The following ZMYM1 variants were observed in gnomAD, a reference collection of about 807,000 sequenced individuals.
ZMYM1 encodes the protein zinc finger MYM-type containing 1, also known as zinc finger MYM-type protein 1.
In ZMYM1, 39 loss-of-function variants were observed where a neutral mutation model predicts 60.0. The ratio of observed to expected loss-of-function variants is 0.65; its 90% CI spans 0.50 to 0.85. ZMYM1 has a LOEUF of 0.85. ZMYM1 is among the 40% of genes least tolerant of loss of function. The probability of loss-of-function intolerance (pLI) is 0.00; values close to 1 mark genes in which losing one functional copy is unlikely to be tolerated. For missense variants in ZMYM1, 1,171 were observed against 1,309.5 expected (o/e 0.89, Z 1.63); for synonymous variants, 413 against 454.0 (o/e 0.91, Z 1.15).
intron 1 of ZMYM1, among the ~76,000 whole-genome samples, chr1:35,061,117 C>A (rs1292690298): frequency 3.3e-5 from 5 of 152,204 alleles, no homozygotes; most frequent in African/African-American, 7.2e-5. Flanking sequence ...ACCTTGGATT[C>A]TATGGTCACA....
At chr1:35,108,121 TAAATA>T (rs1643955272) in intron 6 of ZMYM1, among the ~76,000 whole-genome samples, 1 of 151,882 alleles carries the variant, frequency 6.6e-6, no homozygotes. Context: ...CAAAAATAAA[TAAATA>T]AATAAAAATA....
rs774914200 is a variant in ZMYM1, at chr1:35,110,315, T to C, written c.829T>C (p.Ser277Pro). ...ACAGAAACCTGCCAAACCACTTATA[T>C]CTGTTCCTTGCAAACCATTGAAGCC... is the stretch of plus-strand genomic sequence containing the variant. ...YKQKPAKPLI[S>P]VPCKPLKPSD... The change falls in exon 7 of 10, where the codon TCT (serine) becomes CCT (proline). Residue 277 changes from serine to proline, a missense_variant. Transcript: ENST00000359858. The C allele has an allele frequency of 1.9e-6, 3 of 1,558,482 alleles. No individual in the cohort carries two copies. Among genetic ancestry groups the C allele is most frequent in the Non-Finnish European group, 2.6e-6 (3 of 1,157,682 alleles).
upstream of ZMYM1, among the ~76,000 whole-genome samples, chr1:35,078,694 GC>G (rs1196643952): frequency 1.3e-5 from 2 of 151,572 alleles, no homozygotes; most frequent in Non-Finnish European, 2.9e-5. Context: ...GATTACAGGC[GC>G]CCGCCTCCAT....
At position 35,114,408 on chromosome 1, in the gene ZMYM1, TTTTG is replaced by T; in HGVS notation, c.2583_2586del (p.Cys861Ter). 2.5e-6 allele frequency: 4 copies of T among 1,613,226 alleles called. No individual in the cohort carries two copies. Among genetic ancestry groups the T allele is most frequent in the Non-Finnish European group, 3.4e-6 (4 of 1,179,442 alleles). ...ATTGGTTTCCAAATTTGAATTTGTC[TTTTG>T]TTTGAAATTCCTGTATCGAGTGCTG... On this transcript the variant is annotated frameshift_variant, in exon 10 of 10. Transcript: ENST00000359858. LOFTEE classifies it high-confidence loss of function.
chr1:35,082,944 G>A (rs1014725894), intron 1 of ZMYM1, among the ~76,000 whole-genome samples: 1 of 152,022 alleles, frequency 6.6e-6, no homozygotes, highest in African/African-American at 2.4e-5. Context: ...TTGTGCCATT[G>A]CACTCCAGCC....
chr1:35,062,450 A>G (rs768936641), intron 1 of ZMYM1, among the ~76,000 whole-genome samples: 18 of 152,186 alleles, frequency 1.2e-4, no homozygotes, highest in African/African-American at 4.3e-4. Flanking sequence ...TGCCATTTCT[A>G]TTGACTCTTA....
intron 4 of ZMYM1, among the ~76,000 whole-genome samples, chr1:35,098,274 G>A (rs1344032740): frequency 1.3e-5 from 2 of 152,010 alleles, no homozygotes; most frequent in African/African-American, 4.8e-5. Context: ...AAAAATTGAT[G>A]GCCATAGATA....
rs770236984 is a variant in ZMYM1 at position 35,113,169 on chromosome 1, C to G, written c.1339C>G (p.Gln447Glu). ...LCHPKCTSKV[Q>E]KVKGKSRSIK... is the part of the protein sequence containing the mutation. ...TCACCCAAAATGTACATCCAAAGTACAAAAAGTTAAAGGTAAATCACGAAG... is the reference window on the plus strand; with the variant it reads ...TCACCCAAAATGTACATCCAAAGTAGAAAAAGTTAAAGGTAAATCACGAAG... Residue 447 changes from glutamine (Q) to glutamate (E), a missense_variant, in exon 10 of 10, where the codon CAA (glutamine) becomes GAA (glutamate). Coordinates refer to ENST00000359858, the MANE Select transcript of ZMYM1 (RefSeq NM_024772.5). 14 of 1,613,352 alleles carry G rather than the reference C, an allele frequency of 8.7e-6. No homozygotes were observed. Among genetic ancestry groups the G allele is most frequent in the Non-Finnish European group, 1.2e-5 (14 of 1,179,762 alleles).
At chr1:35,096,047 G>T (rs1358787838) in intron 3 of ZMYM1, among the ~76,000 whole-genome samples, 156 bp downstream of exon 3, 1 of 152,142 alleles carries the variant, frequency 6.6e-6, no homozygotes, top group Non-Finnish European at 1.5e-5. Flanking sequence ...GTGCACAGTG[G>T]CTCACACCTG....
intron 1 of ZMYM1, among the ~76,000 whole-genome samples, chr1:35,073,970 T>G (rs1256684786): frequency 6.6e-6 from 1 of 152,142 alleles, no homozygotes; most frequent in African/African-American, 2.4e-5. Context: ...GTATTTTTAG[T>G]AGAGATGAGC....
chr1:35,087,212 G>A (rs188552784), intron 1 of ZMYM1, among the ~76,000 whole-genome samples: 37 of 150,162 alleles, frequency 2.5e-4, no homozygotes, highest in Non-Finnish European at 2.7e-4. Flanking sequence ...GGCTAGTCTC[G>A]AACTCCTGAC....
At chr1:35,116,866 C>T (rs558799107), downstream of ZMYM1, among the ~76,000 whole-genome samples, 173 of 53,674 alleles carry the variant, frequency 3.2e-3, no homozygotes, top group African/African-American at 9.4e-3. Context: ...TTTTTTGAGA[C>T]GGAGTCTCGC....
intron 1 of ZMYM1, among the ~76,000 whole-genome samples, chr1:35,070,119 T>C (rs1642041373): frequency 6.6e-6 from 1 of 152,244 alleles, no homozygotes; most frequent in African/African-American, 2.4e-5. Flanking sequence ...TATATTTCTG[T>C]GAATAATGTC....
intron 1 of ZMYM1, among the ~76,000 whole-genome samples, chr1:35,091,815 G>A (rs1476399923): frequency 7.1e-5 from 10 of 140,680 alleles, no homozygotes; most frequent in African/African-American, 2.6e-4. Flanking sequence ...AGAATTGCTT[G>A]ATCCCAGGAG....
At chr1:35,078,727 T>G (rs1467282190), upstream of ZMYM1, among the ~76,000 whole-genome samples, 1 of 151,860 alleles carries the variant, frequency 6.6e-6, no homozygotes, top group Non-Finnish European at 1.5e-5. Flanking sequence ...TTCTGTATTT[T>G]TAATAGAGAC....
At chr1:35,116,874 C>T (rs1426988785), downstream of ZMYM1, among the ~76,000 whole-genome samples, 6 of 107,450 alleles carry the variant, frequency 5.6e-5, no homozygotes, top group Admixed American at 2.9e-4. Context: ...GACGGAGTCT[C>T]GCTCTGTCGC....
In ZMYM1 at chr1:35,111,891, A is replaced by G. The variant is rs1301209454; in HGVS notation, c.1081A>G (p.Met361Val). ...LADTDVALPI[M>V]NTDVLQDTVS... ...AGACACCGATGTTGCCTTGCCCATC[A>G]TGAACACTGATGTCTTACAAGGTAA... Residue 361 changes from methionine (M) to valine (V), a missense_variant, in exon 8 of 10, where the codon ATG becomes GTG. Physicochemically the swap from Met to Val is conservative, Grantham distance 21. Transcript: ENST00000359858. The G allele has an allele frequency of 1.3e-6, 2 of 1,592,466 alleles. No individual in the cohort carries two copies. Among genetic ancestry groups the G allele is most frequent in the Admixed American group, 1.7e-5 (1 of 57,350 alleles).
intron 1 of ZMYM1, among the ~76,000 whole-genome samples, chr1:35,074,333 A>C (rs1372848344): frequency 6.6e-6 from 1 of 152,192 alleles, no homozygotes; most frequent in Non-Finnish European, 1.5e-5. Context: ...TGTATTCTGC[A>C]GCTGTTGGAT....
At chr1:35,083,429 A>G (rs1367055473) in intron 1 of ZMYM1, among the ~76,000 whole-genome samples, 1 of 151,938 alleles carries the variant, frequency 6.6e-6, no homozygotes, top group Non-Finnish European at 1.5e-5. Flanking sequence ...TCAAATTGCA[A>G]GTGTGAATCA....
Sources: gnomAD v4.1 joint callset for allele counts (sites outside exome capture counted in the v4.1 genomes callset) on GRCh38, gnomAD v4.1.1 for gene constraint, MANE v1.5 for transcripts, NCBI Gene and HGNC (gene_info 2026-07-23, HGNC 2026-07-21) for gene names.